Variants in ICAM1 observed in about 807,000 individuals in gnomAD.
The protein encoded by ICAM1 is intercellular adhesion molecule 1.
In ICAM1, 28 loss-of-function variants were observed where a neutral mutation model predicts 42.3. The observed-to-expected ratio is 0.66, with a 90% confidence interval of 0.49 to 0.91. The LOEUF is 0.91. Ranked by LOEUF, ICAM1 falls within the 40% of genes least tolerant of loss-of-function variation. The pLI, the probability that ICAM1 is intolerant of heterozygous loss-of-function variation, is 0.00. For missense variants in ICAM1, 637 were observed against 688.6 expected (o/e 0.93, Z 0.84); for synonymous variants, 304 against 305.9 (o/e 0.99, Z 0.07).
intron 2 of ICAM1, among the ~76,000 whole-genome samples, chr19:10,276,979 A>G (rs998805106): frequency 7.3e-5 from 11 of 151,382 alleles, no homozygotes; most frequent in Non-Finnish European, 1.6e-4. Context: ...CCATCTCAAA[A>G]AAAAAAAAAA....
In ICAM1 at chr19:10,274,815, C is replaced by A. The variant is rs747111380; in HGVS notation, c.118C>A (p.Arg40=). Residue 40 remains arginine, a synonymous_variant, in exon 2 of 7, where the codon CGG becomes AGG. Transcript: ENST00000264832. ...SVSPSKVILP[R]GGSVLVTCST... ...GTCCCCCTCAAAAGTCATCCTGCCC[C>A]GGGGAGGCTCCGTGCTGGTGACATG... 6.2e-7 allele frequency: 1 copy of A among 1,614,192 alleles called. No homozygotes were observed. The highest frequency in any genetic ancestry group is 8.5e-7 in the Non-Finnish European group (1 of 1,180,034).
chr19:10,273,989 G>T (rs1022101083), intron 1 of ICAM1, among the ~76,000 whole-genome samples: 1 of 151,336 alleles, frequency 6.6e-6, no homozygotes, highest in Non-Finnish European at 1.5e-5. Flanking sequence ...ACTCCAGTCT[G>T]AGTGACAAAG....
Position 10,285,247 on chromosome 19 carries a change from G to A in ICAM1, c.1559G>A (p.Gly520Glu), listed in dbSNP as rs1286797144. 5.0e-6 allele frequency: 8 copies of A among 1,613,978 alleles called. No homozygotes were observed. The African/African-American group carries it at 1.1e-4, about 22-fold the overall frequency. Reference protein sequence around the residue: ...KKYRLQQAQKGTPMKPNTQAT... With the variant: ...KKYRLQQAQKETPMKPNTQAT... ...TACAGACTACAACAGGCCCAAAAAG[G>A]GACCCCCATGAAACCGAACACACAA... Residue 520 changes from glycine to glutamate, a missense_variant, in exon 7 of 7, where the codon GGG becomes GAG. Coordinates refer to ENST00000264832, the MANE Select transcript of ICAM1 (RefSeq NM_000201.3).
At position 10,283,681 on chromosome 19, in the gene ICAM1, G is replaced by A. The variant is rs771716527; in HGVS notation, c.532G>A (p.Asp178Asn). 1.2e-6 allele frequency: 2 copies of A among 1,613,806 alleles called. No homozygotes were observed. Among genetic ancestry groups the A allele is most frequent in the East Asian group, 2.2e-5 (1 of 44,894 alleles). Residue 178 changes from aspartate to asparagine, a missense_variant, in exon 3 of 7, where the codon GAT (aspartate) becomes AAT (asparagine). Transcript: ENST00000264832. ...CACGACCACGGTGCTGGTGAGGAGA[G>A]ATCACCATGGAGCCAATTTCTCGTG... ...EVTTTVLVRR[D>N]HHGANFSCRT...
In ICAM1 at chr19:10,284,357, G is replaced by T; in HGVS notation, c.925+37G>T. ...CAGGGGCGGAGTGGGGCTTCTTGGG[G>T]GTGTGACCTGAACCCGGGGCGGGGC... On this transcript the variant is annotated intron_variant, in intron 4 of 6. Coordinates refer to ENST00000264832, the MANE Select transcript of ICAM1 (RefSeq NM_000201.3). The surrounding 1 kb of genome is among the most constrained non-coding windows in gnomAD (Gnocchi z 5.4). 1 of 1,611,836 alleles carries T rather than the reference G, an allele frequency of 6.2e-7. No individual in the cohort carries two copies. Among genetic ancestry groups the T allele is most frequent in the Non-Finnish European group, 8.5e-7 (1 of 1,179,518 alleles).
At position 10,284,678 on chromosome 19, in the gene ICAM1, A is replaced by G. The variant is rs767714183; in HGVS notation, c.1180+21A>G. The G allele has an allele frequency of 1.9e-6, 3 of 1,613,452 alleles. No individual in the cohort carries two copies. The highest frequency in any genetic ancestry group is 2.5e-6 in the Non-Finnish European group (3 of 1,179,612). On this transcript the variant is annotated intron_variant, in intron 5 of 6. Transcript: ENST00000264832. This position sits in a 1 kb window ranked among gnomAD's most constrained non-coding sequence, Gnocchi z 5.4. ...CCTGTGTGAGTGGGGCTGCTGGTCA[A>G]TGGCCCCTATCCCCCAAGGCCCAAT...
intron 2 of ICAM1, among the ~76,000 whole-genome samples, chr19:10,278,562 T>TC (rs2040032986): frequency 9.9e-6 from 1 of 100,796 alleles, no homozygotes; most frequent in Non-Finnish European, 2.1e-5. Flanking sequence ...TTTTTTTTTT[T>TC]TTTTTTTTTC....
Position 10,285,924 on chromosome 19 carries a change from C to T in ICAM1, c.*637C>T, listed in dbSNP as rs1203167907. ...ACCAGGTACAGTTGTACAGGTTGTA[C>T]ACTGCAGGAGAGTGCCTGGCAAAAA... On this transcript the variant is annotated 3_prime_UTR_variant, in exon 7 of 7. Transcript: ENST00000264832. 1.3e-5 allele frequency: 2 copies of T among 153,642 alleles called. No individual in the cohort carries two copies. Among genetic ancestry groups the T allele is most frequent in the Non-Finnish European group, 2.9e-5 (2 of 68,984 alleles). 9.5% of individuals were successfully genotyped at this position (153,642 alleles called of 1,614,324 possible).
At chr19:10,282,917 G>A (rs1227622896) in intron 2 of ICAM1, among the ~76,000 whole-genome samples, 1 of 134,200 alleles carries the variant, frequency 7.5e-6, no homozygotes, top group Non-Finnish European at 1.7e-5. Context: ...GGAGGTTGAG[G>A]CAGGAGAATT....
chr19:10,284,363 A>G lies in ICAM1; in HGVS notation c.926-40A>G, dbSNP rs750107806. The G allele has an allele frequency of 1.2e-6, 2 of 1,611,614 alleles. No individual in the cohort carries two copies. The highest frequency in any genetic ancestry group is 1.7e-5 in the Admixed American group (1 of 59,988). ...CGGAGTGGGGCTTCTTGGGGGTGTG[A>G]CCTGAACCCGGGGCGGGGCTCACTG... is the stretch of plus-strand genomic sequence containing the variant. On this transcript the variant is annotated intron_variant, in intron 4 of 6. Transcript: ENST00000264832. This position sits in a 1 kb window ranked among gnomAD's most constrained non-coding sequence, Gnocchi z 5.4.
In ICAM1 at chr19:10,284,257, C is replaced by T. The variant is rs1268444852; in HGVS notation, c.862C>T (p.Leu288=). ...VTAEDEGTQR[L]TCAVILGNQS... ...CGCAGAGGACGAGGGCACCCAGCGG[C>T]TGACGTGTGCAGTAATACTGGGGAA... Residue 288 remains leucine, a synonymous_variant, in exon 4 of 7, where the codon CTG becomes TTG. Transcript: ENST00000264832. The surrounding 1 kb of genome is among the most constrained non-coding windows in gnomAD (Gnocchi z 5.4). 1 of 1,613,862 alleles carries T rather than the reference C, an allele frequency of 6.2e-7. No individual in the cohort carries two copies. The highest frequency in any genetic ancestry group is 1.3e-5 in the African/African-American group (1 of 74,906).
At chr19:10,273,826 C>T (rs984282084) in intron 1 of ICAM1, among the ~76,000 whole-genome samples, 49 of 151,996 alleles carry the variant, frequency 3.2e-4, no homozygotes, top group Non-Finnish European at 5.9e-4. Flanking sequence ...GCAGGCTGGC[C>T]GACGTGGCGA....
At chr19:10,274,286 GTTA>G (rs945421663) in intron 1 of ICAM1, among the ~76,000 whole-genome samples, 19 of 149,994 alleles carry the variant, frequency 1.3e-4, no homozygotes, top group African/African-American at 4.7e-4. Flanking sequence ...ATTAACATCA[GTTA>G]TTAATTATCT....
In ICAM1 at chr19:10,284,355, G is replaced by A. The variant is rs3093033; in HGVS notation, c.925+35G>A. ...GGCAGGGGCGGAGTGGGGCTTCTTG[G>A]GGGTGTGACCTGAACCCGGGGCGGG... is the stretch of plus-strand genomic sequence containing the variant. On this transcript the variant is annotated intron_variant, in intron 4 of 6. Coordinates refer to ENST00000264832, the MANE Select transcript of ICAM1 (RefSeq NM_000201.3). This position sits in a 1 kb window ranked among gnomAD's most constrained non-coding sequence, Gnocchi z 5.4. 0.01 allele frequency: 16,769 copies of A among 1,611,738 alleles called. 116 individuals are homozygous for A. Among genetic ancestry groups the A allele is most frequent in the Non-Finnish European group, 0.012 (13,903 of 1,179,394 alleles).
At chr19:10,280,558 T>A (rs577978912) in intron 2 of ICAM1, among the ~76,000 whole-genome samples, 1 of 151,518 alleles carries the variant, frequency 6.6e-6, no homozygotes, top group Non-Finnish European at 1.5e-5. Flanking sequence ...TTTTTTTTTT[T>A]TCTTTGGTGT....
At chr19:10,276,271 C>T (rs1334908580) in intron 2 of ICAM1, among the ~76,000 whole-genome samples, 2 of 151,592 alleles carry the variant, frequency 1.3e-5, no homozygotes, top group South Asian at 2.1e-4. Context: ...GATGGCCGGG[C>T]GCAGTGGCTC....
chr19:10,279,342 G>C (rs1238859809), intron 2 of ICAM1, among the ~76,000 whole-genome samples: 2 of 151,956 alleles, frequency 1.3e-5, no homozygotes, highest in African/African-American at 4.8e-5. Flanking sequence ...CCAGGAGTTC[G>C]AGACCAGCCT....
chr19:10,285,100 G>A lies in ICAM1; in HGVS notation c.1427-15G>A. On this transcript the variant is annotated splice_polypyrimidine_tract_variant and intron_variant, in intron 6 of 6. Transcript: ENST00000264832. ...CCTAATGCAATCCTCACCGCCTGTT[G>A]TATCCTCCCCACAGCCCCCCGGTAT... 1 of 1,613,954 alleles carries A rather than the reference G, an allele frequency of 6.2e-7. No homozygotes were observed.
In ICAM1 at chr19:10,274,924, G is replaced by T. The variant is rs554091291; in HGVS notation, c.227G>T (p.Arg76Leu). ...KKELLLPGNN[R>L]KVYELSNVQE... ...GAGTTGCTCCTGCCTGGGAACAACC[G>T]GAAGGTGTATGAACTGAGCAATGTG... Residue 76 changes from arginine to leucine, a missense_variant, in exon 2 of 7, where the codon CGG becomes CTG. Coordinates refer to ENST00000264832, the MANE Select transcript of ICAM1 (RefSeq NM_000201.3). 2.5e-6 allele frequency: 4 copies of T among 1,614,112 alleles called. No individual in the cohort carries two copies. Among genetic ancestry groups the T allele is most frequent in the African/African-American group, 1.3e-5 (1 of 74,940 alleles).
Sources: gnomAD v4.1 joint callset for allele counts (sites outside exome capture counted in the v4.1 genomes callset) on GRCh38, gnomAD v4.1.1 for gene constraint, Gnocchi (gnomAD v3.1) non-coding constraint, MANE v1.5 for transcripts, NCBI Gene and HGNC (gene_info 2026-07-23, HGNC 2026-07-21) for gene names.